RASA2: variants seen among roughly 807,000 people sequenced by gnomAD.
RASA2 encodes RAS p21 protein activator 2, also known as ras GTPase-activating protein 2.
Under a neutral mutation model 118.2 loss-of-function variants are expected in RASA2, and 155 were observed. The observed-to-expected ratio is 1.31, with a 90% CI of 1.15 to 1.50. The LOEUF is 1.50. Among genes scored for constraint, RASA2 ranks in the 40% most tolerant of loss-of-function variants. The probability of loss-of-function intolerance (pLI) is 0.00; values close to 1 mark genes in which losing one functional copy is unlikely to be tolerated. For synonymous variants in RASA2, 353 were observed against 349.1 expected, an observed-to-expected ratio of 1.01 and a Z score of -0.12; for missense variants, 1,016 against 1,009.6, an observed-to-expected ratio of 1.01 and a Z score of -0.09.
chr3:141,614,859 T>A lies in RASA2; in HGVS notation c.*2546T>A, dbSNP rs1179723316. ...ACGGGTAATGGGTAAGTGTGAAAAC[T>A]AGGCTTTTTTTTATGAAACAAAAAA... On this transcript the variant is annotated 3_prime_UTR_variant, in exon 24 of 24. Coordinates refer to ENST00000286364, the MANE Select transcript of RASA2 (RefSeq NM_006506.5). The A allele has an allele frequency of 6.6e-6, 1 of 152,236 alleles. No individual in the cohort carries two copies. Among genetic ancestry groups the A allele is most frequent in the Admixed American group, 6.5e-5 (1 of 15,280 alleles). 9.4% of individuals were successfully genotyped at this position (152,236 alleles called of 1,614,324 possible). A position where few individuals can be genotyped will look rare whatever the true frequency, so the allele number is the denominator to read the frequency against.
At chr3:141,571,977 A>G (rs550159870) in intron 11 of RASA2, among the ~76,000 whole-genome samples, 7 of 150,682 alleles carry the variant, frequency 4.6e-5, no homozygotes, top group Admixed American at 6.6e-5. Context: ...ACAGAGACAT[A>G]CATATACTCC....
intron 6 of RASA2, among the ~76,000 whole-genome samples, chr3:141,554,569 A>G (rs919910407): frequency 3.3e-5 from 5 of 152,212 alleles, no homozygotes; most frequent in Non-Finnish European, 5.9e-5. Flanking sequence ...CACATCTGAA[A>G]TATGTCTACA....
At chr3:141,538,919 A>G (rs1388897990) in intron 4 of RASA2, among the ~76,000 whole-genome samples, 4 of 152,072 alleles carry the variant, frequency 2.6e-5, no homozygotes, top group African/African-American at 9.7e-5. Context: ...TTTCTACTCT[A>G]TTGTCATAGT....
intron 5 of RASA2, among the ~76,000 whole-genome samples, chr3:141,553,327 G>A (rs1327694258): frequency 6.6e-6 from 1 of 152,092 alleles, no homozygotes; most frequent in Admixed American, 6.6e-5. Flanking sequence ...TTATCAAACC[G>A]CAAAATGTAC....
intron 1 of RASA2, among the ~76,000 whole-genome samples, chr3:141,508,177 T>C (rs1037606843): frequency 6.6e-6 from 1 of 152,146 alleles, no homozygotes; most frequent in South Asian, 2.1e-4. Flanking sequence ...TTAAGTGGTC[T>C]GTGGATACCG....
At chr3:141,506,823 A>C (rs555761185) in intron 1 of RASA2, among the ~76,000 whole-genome samples, 1 of 151,814 alleles carries the variant, frequency 6.6e-6, no homozygotes, top group African/African-American at 2.4e-5. Context: ...GGCTGAGGTG[A>C]CAGAATCACG....
At chr3:141,520,643 T>C (rs2082098070) in intron 3 of RASA2, among the ~76,000 whole-genome samples, 1 of 118,736 alleles carries the variant, frequency 8.4e-6, no homozygotes, top group Non-Finnish European at 1.7e-5. Context: ...TATAGTTACA[T>C]ACACATATAT....
intron 7 of RASA2, among the ~76,000 whole-genome samples, chr3:141,558,176 G>C (rs2082676500): frequency 6.6e-6 from 1 of 152,174 alleles, no homozygotes; most frequent in Non-Finnish European, 1.5e-5. Context: ...AATAAATCTA[G>C]CCCTGTCCGC....
At chr3:141,593,139 C>T (rs2083312654) in intron 19 of RASA2, among the ~76,000 whole-genome samples, 1 of 152,084 alleles carries the variant, frequency 6.6e-6, no homozygotes. Flanking sequence ...CCTCCACCTC[C>T]CAGGTTTAAG....
chr3:141,590,123 A>G (rs1334651200), intron 19 of RASA2: 1 of 456,348 alleles, frequency 2.2e-6, no homozygotes, highest in African/African-American at 2.0e-5. Context: ...CCTGCCTTCT[A>G]AAAAAGAGTT....
At chr3:141,559,733 T>C (rs2082702402) in intron 8 of RASA2, among the ~76,000 whole-genome samples, 161 bp from the exon 9 acceptor site, 1 of 152,148 alleles carries the variant, frequency 6.6e-6, no homozygotes, top group Non-Finnish European at 1.5e-5. Context: ...GTATTTTGCT[T>C]CTCTAGTCTG....
Position 141,608,638 on chromosome 3 carries a change from A to C in RASA2, c.2166A>C (p.Gly722=), listed in dbSNP as rs768702131. 6.2e-6 allele frequency: 10 copies of C among 1,613,926 alleles called. No individual in the cohort carries two copies. Among genetic ancestry groups the C allele is most frequent in the Non-Finnish European group, 8.5e-6 (10 of 1,179,940 alleles). ...SFYHPSVYLN[G]NWLCCQETGE... ...ATCATCCCTCTGTGTATCTGAACGG[A>C]AATTGGCTCTGCTGTCAGGAGACTG... Residue 722 remains glycine, a synonymous_variant, in exon 21 of 24, where the codon GGA becomes GGC. Transcript: ENST00000286364.
At chr3:141,566,008 T>C (rs1219325866) in intron 9 of RASA2, among the ~76,000 whole-genome samples, 1 of 152,220 alleles carries the variant, frequency 6.6e-6, no homozygotes, top group African/African-American at 2.4e-5. Flanking sequence ...TATCTTATCT[T>C]TCTCAAAGCT....
intron 2 of RASA2, among the ~76,000 whole-genome samples, chr3:141,514,755 C>G (rs754810775): frequency 1.4e-4 from 22 of 152,144 alleles, no homozygotes; most frequent in Non-Finnish European, 2.5e-4. Flanking sequence ...TTTGATAGCC[C>G]AAACTGGAAA....
Position 141,586,631 on chromosome 3 carries a change from C to T in RASA2, c.1827-15C>T. ...AATTTTTATAGCTAAATGTTTACAT[C>T]TGTTATGTTGGCAGTGAGATGTATA... On this transcript the variant is annotated splice_polypyrimidine_tract_variant and intron_variant, in intron 18 of 23. Coordinates refer to ENST00000286364, the MANE Select transcript of RASA2 (RefSeq NM_006506.5). 1.9e-6 allele frequency: 3 copies of T among 1,539,840 alleles called. No homozygotes were observed. Among genetic ancestry groups the T allele is most frequent in the Non-Finnish European group, 1.8e-6 (2 of 1,118,634 alleles).
In RASA2 at chr3:141,560,000, G is replaced by A; in HGVS notation, c.863+5G>A. 1 of 1,606,466 alleles carries A rather than the reference G, an allele frequency of 6.2e-7. No homozygotes were observed. Among genetic ancestry groups the A allele is most frequent in the Non-Finnish European group, 8.5e-7 (1 of 1,173,476 alleles). ...TGATTCCTCTCATCAAGCCTGGTAA[G>A]GGCCCAGCATTTTAGTGAACTCCAT... is the stretch of plus-strand genomic sequence containing the variant. On this transcript the variant is annotated splice_donor_5th_base_variant and intron_variant, in intron 9 of 23. Transcript: ENST00000286364.
At chr3:141,586,582 CTTCT>C in intron 18 of RASA2, 60 bp from the exon 19 acceptor site, 2 of 1,098,636 alleles carry the variant, frequency 1.8e-6, no homozygotes, top group East Asian at 5.0e-5. Flanking sequence ...TTAAAGGATA[CTTCT>C]TTGTTTTGGA....
chr3:141,562,521 C>T (rs1382884283), intron 9 of RASA2, among the ~76,000 whole-genome samples: 2 of 102,218 alleles, frequency 2.0e-5, no homozygotes, highest in Admixed American at 2.0e-4. Flanking sequence ...TACTCAGGAG[C>T]TGGCGCAGGA....
chr3:141,576,743 TTTCAAATTAA>T (rs773011168), intron 14 of RASA2, among the ~76,000 whole-genome samples: 1 of 152,204 alleles, frequency 6.6e-6, no homozygotes, highest in Non-Finnish European at 1.5e-5. Flanking sequence ...AAGAGGTATT[TTTCAAATTAA>T]AATATTTCTG....
Sources: allele counts gnomAD v4.1 joint callset (sites outside exome capture counted in the v4.1 genomes callset), GRCh38; gene constraint gnomAD v4.1.1; transcripts MANE v1.5; gene names NCBI Gene and HGNC (gene_info 2026-07-23, HGNC 2026-07-21).